The following DLG2 variants were observed in gnomAD, a reference collection of about 807,000 sequenced individuals.
DLG2 encodes the protein disks large homolog 2.
A neutral mutation model predicts 132.5 loss-of-function variants in DLG2; 45 were observed. The observed-to-expected ratio is 0.34, with a 90% CI of 0.27 to 0.44. The LOEUF is 0.44. Among genes scored for constraint, DLG2 ranks in the 20% least tolerant of loss-of-function variants. The pLI is 1.00. For missense variants in DLG2, 1,045 were observed against 1,196.9 expected (o/e 0.87, Z 1.87); for synonymous variants, 424 against 419.6 (o/e 1.01, Z -0.13).
chr11:85,504,199 AG>A, intron 3 of DLG2, among the ~76,000 whole-genome samples: 1 of 152,116 alleles, frequency 6.6e-6, no homozygotes, highest in Non-Finnish European at 1.5e-5. Context: ...TTTGCTGTGC[AG>A]AAGCTCTTTA....
intron 6 of DLG2, among the ~76,000 whole-genome samples, chr11:85,068,539 C>T (rs1039990353): frequency 5.6e-4 from 85 of 152,180 alleles, no homozygotes; most frequent in African/African-American, 2.0e-3. Flanking sequence ...CATGAGTGAA[C>T]TCCCATTCAC....
At chr11:84,411,623 T>C (rs2098904560) in intron 7 of DLG2, among the ~76,000 whole-genome samples, 1 of 152,130 alleles carries the variant, frequency 6.6e-6, no homozygotes, top group African/African-American at 2.4e-5. Context: ...AAGAGGTGGA[T>C]GGTAGTAAGC....
intron 11 of DLG2, among the ~76,000 whole-genome samples, chr11:84,012,674 C>T (rs921458435): frequency 1.3e-5 from 2 of 152,032 alleles, no homozygotes; most frequent in Non-Finnish European, 2.9e-5. Flanking sequence ...AAGATTACTC[C>T]CCGTAGAGTA....
At chr11:84,409,569 A>G (rs1347921352) in intron 7 of DLG2, among the ~76,000 whole-genome samples, 1 of 152,230 alleles carries the variant, frequency 6.6e-6, no homozygotes, top group African/African-American at 2.4e-5. Flanking sequence ...ACAACAAGTT[A>G]AAAATCTTTG....
chr11:85,330,946 T>G (rs1030618467), intron 3 of DLG2, among the ~76,000 whole-genome samples: 1 of 152,194 alleles, frequency 6.6e-6, no homozygotes. Context: ...CCATGTATAC[T>G]GAGTATTACT....
intron 7 of DLG2, among the ~76,000 whole-genome samples, chr11:84,416,945 T>A (rs1395546618): frequency 6.6e-6 from 1 of 152,220 alleles, no homozygotes; most frequent in African/African-American, 2.4e-5. Flanking sequence ...TGGATTGCAA[T>A]TAGTTTATAA....
chr11:84,593,302 C>G (rs907937215), intron 6 of DLG2, among the ~76,000 whole-genome samples: 1 of 151,926 alleles, frequency 6.6e-6, no homozygotes, highest in Non-Finnish European at 1.5e-5. Context: ...GGATATATAC[C>G]CAAAGGATTA....
intron 7 of DLG2, among the ~76,000 whole-genome samples, chr11:84,391,292 T>C (rs1389802848): frequency 6.6e-6 from 1 of 152,192 alleles, no homozygotes; most frequent in Non-Finnish European, 1.5e-5. Context: ...GTATGTACGT[T>C]ATCCTTTATA....
In DLG2 at chr11:84,667,466, A is replaced by C. The variant is rs150402130; in HGVS notation, c.358-132735T>G. Among the ~76,000 whole-genome samples the C allele has an allele frequency of 8.7e-3, 1,258 of 145,322 alleles. 59 individuals carry two copies. The highest frequency in any genetic ancestry group is 0.076 in the Admixed American group (1,110 of 14,556). ...ATATGAGAGGATAGAACATTGATTC[A>C]AGTTTTTTTTTGTTTTTGTTTTTTG... On this transcript the variant is annotated intron_variant, in intron 6 of 27. Coordinates refer to ENST00000376104, the MANE Select transcript of DLG2 (RefSeq NM_001142699.3).
intron 8 of DLG2, among the ~76,000 whole-genome samples, chr11:84,187,340 T>C (rs1318478658): frequency 6.6e-6 from 1 of 151,756 alleles, no homozygotes; most frequent in African/African-American, 2.4e-5. Flanking sequence ...ACTTCAAGAG[T>C]ATATATTTAG....
intron 6 of DLG2, among the ~76,000 whole-genome samples, chr11:84,831,797 A>C (rs2079088638): frequency 6.6e-6 from 1 of 151,686 alleles, no homozygotes; most frequent in East Asian, 1.9e-4. Flanking sequence ...AAAAAAGTTT[A>C]ACTATTTTAA....
chr11:83,871,684 A>C (rs1367269193), intron 16 of DLG2, among the ~76,000 whole-genome samples: 3 of 150,734 alleles, frequency 2.0e-5, no homozygotes, highest in African/African-American at 4.9e-5. Context: ...GTATAGCACA[A>C]ATTTTTGTGT....
intron 10 of DLG2, among the ~76,000 whole-genome samples, chr11:84,075,375 A>G (rs2096815521): frequency 6.6e-6 from 1 of 152,138 alleles, no homozygotes; most frequent in African/African-American, 2.4e-5. Flanking sequence ...TGACCATTTT[A>G]TCATTAATGC....
intron 15 of DLG2, among the ~76,000 whole-genome samples, chr11:83,921,845 TTTTAAC>T (rs1414564645): frequency 2.2e-5 from 2 of 91,562 alleles, no homozygotes; most frequent in Admixed American, 2.1e-4. Context: ...ATTATCTCAC[TTTTAAC>T]TTTTTTTTAA....
intron 17 of DLG2, among the ~76,000 whole-genome samples, chr11:83,828,599 C>G (rs1595049157): frequency 6.6e-6 from 1 of 152,130 alleles, no homozygotes; most frequent in African/African-American, 2.4e-5. Flanking sequence ...CAGTAGCAAC[C>G]TATTACAATC....
chr11:84,759,688 CT>C (rs1196996169), intron 6 of DLG2, among the ~76,000 whole-genome samples: 1 of 152,046 alleles, frequency 6.6e-6, no homozygotes, highest in African/African-American at 2.4e-5. Flanking sequence ...AACACCATCC[CT>C]TTTTTCAAAA....
intron 15 of DLG2, among the ~76,000 whole-genome samples, chr11:83,924,387 G>A (rs1181418583): frequency 6.6e-6 from 1 of 152,036 alleles, no homozygotes; most frequent in Non-Finnish European, 1.5e-5. Context: ...CTCATTTAAG[G>A]GATCCTATAA....
intron 17 of DLG2, among the ~76,000 whole-genome samples, chr11:83,792,812 A>G (rs2041922143): frequency 6.6e-6 from 1 of 152,246 alleles, no homozygotes; most frequent in African/African-American, 2.4e-5. Context: ...ATATCATCTA[A>G]CAGTAAGTTG....
chr11:84,840,087 C>A (rs1461398928), intron 6 of DLG2, among the ~76,000 whole-genome samples: 1 of 151,866 alleles, frequency 6.6e-6, no homozygotes, highest in Non-Finnish European at 1.5e-5. Flanking sequence ...TGCAATCTAC[C>A]CATCTGACAA....
Sources: gnomAD v4.1 joint callset for allele counts (sites outside exome capture counted in the v4.1 genomes callset) on GRCh38, gnomAD v4.1.1 for gene constraint, MANE v1.5 for transcripts, NCBI Gene and HGNC (gene_info 2026-07-23, HGNC 2026-07-21) for gene names.